Variants in PUM1 observed in about 807,000 individuals in gnomAD.
The protein encoded by PUM1 is pumilio RNA binding family member 1.
Under a neutral mutation model 131.8 loss-of-function variants are expected in PUM1, and 13 were observed. That is an observed-to-expected ratio of 0.10 (90% CI 0.06 to 0.16). PUM1 has a LOEUF of 0.16. Among genes scored for constraint, PUM1 ranks in the 10% least tolerant of loss-of-function variants. PUM1 has a pLI of 1.00. For synonymous variants in PUM1, 509 were observed against 556.5 expected, an observed-to-expected ratio of 0.91 and a Z score of 1.20; for missense variants, 961 against 1,512.4, an observed-to-expected ratio of 0.64 and a Z score of 6.05.
At chr1:30,982,401 G>A (rs1203893090) in intron 7 of PUM1, among the ~76,000 whole-genome samples, 1 of 152,154 alleles carries the variant, frequency 6.6e-6, no homozygotes, top group African/African-American at 2.4e-5. Context: ...TATAAAGAAA[G>A]GGGATGCCAG....
At chr1:31,027,656 G>T (rs915013644) in intron 3 of PUM1, among the ~76,000 whole-genome samples, 1 of 152,196 alleles carries the variant, frequency 6.6e-6, no homozygotes, top group Non-Finnish European at 1.5e-5. Context: ...ACAAAATCTT[G>T]TAACAAAGAA....
chr1:31,048,024 A>C (rs1416427009), intron 2 of PUM1, among the ~76,000 whole-genome samples: 2 of 151,964 alleles, frequency 1.3e-5, no homozygotes, highest in African/African-American at 4.8e-5. Flanking sequence ...GTGGATCATG[A>C]GGTCAGGAGA....
At chr1:30,974,888 T>C (rs572398011) in intron 9 of PUM1, 86 bp from the exon 10 acceptor site, 4 of 999,764 alleles carry the variant, frequency 4.0e-6, no homozygotes, top group Non-Finnish European at 5.8e-6. Flanking sequence ...ACTCAATAGA[T>C]CCTACTGTAA....
chr1:30,993,323 C>T (rs1382793279), intron 6 of PUM1, among the ~76,000 whole-genome samples: 1 of 146,444 alleles, frequency 6.8e-6, no homozygotes, highest in Non-Finnish European at 1.5e-5. Flanking sequence ...ATCATCCAAA[C>T]CAGGACATGC....
intron 18 of PUM1, among the ~76,000 whole-genome samples, chr1:30,942,551 C>T (rs1639498943): frequency 1.3e-5 from 2 of 152,018 alleles, no homozygotes; most frequent in South Asian, 4.2e-4. Flanking sequence ...AACCAGAATG[C>T]AATGTTCTGA....
chr1:30,965,237 A>G (rs1387864476), intron 13 of PUM1, among the ~76,000 whole-genome samples: 1 of 152,218 alleles, frequency 6.6e-6, no homozygotes, highest in African/African-American at 2.4e-5. Context: ...CCTTTCATCA[A>G]TTGAAAAGGT....
chr1:31,003,043 A>G (rs1642272446), intron 5 of PUM1, among the ~76,000 whole-genome samples: 1 of 152,246 alleles, frequency 6.6e-6, no homozygotes, highest in Non-Finnish European at 1.5e-5. Flanking sequence ...TGTGTTAAGA[A>G]TAACTTCTTA....
At chr1:30,961,796 A>T (rs1316052236) in intron 14 of PUM1, among the ~76,000 whole-genome samples, 4 of 152,124 alleles carry the variant, frequency 2.6e-5, no homozygotes, top group Non-Finnish European at 5.9e-5. Context: ...CGATATCATT[A>T]GCAATATTAA....
chr1:31,055,516 T>C (rs1188641795), intron 2 of PUM1: 1 of 388,384 alleles, frequency 2.6e-6, no homozygotes, highest in African/African-American at 2.1e-5. Flanking sequence ...ACAACTGCAA[T>C]ATACCAACTA....
At chr1:30,983,830 T>C (rs1641447244) in intron 7 of PUM1, among the ~76,000 whole-genome samples, 1 of 151,344 alleles carries the variant, frequency 6.6e-6, no homozygotes. Flanking sequence ...CTGGAACTCC[T>C]GGGCTCAAAT....
intron 10 of PUM1, among the ~76,000 whole-genome samples, chr1:30,972,289 G>C (rs534666046): frequency 4.6e-3 from 1 of 216 alleles, no homozygotes; most frequent in Non-Finnish European, 6.0e-3. Flanking sequence ...AAGGGAAGGG[G>C]AGGGGAGGGG....
At chr1:30,942,806 C>T (rs1017550499) in intron 18 of PUM1, among the ~76,000 whole-genome samples, 3 of 152,028 alleles carry the variant, frequency 2.0e-5, no homozygotes, top group Admixed American at 6.5e-5. Context: ...AAGGCTGGAG[C>T]GCAATGGTGA....
chr1:31,062,351 G>A (rs777132756), intron 1 of PUM1, among the ~76,000 whole-genome samples: 3 of 152,124 alleles, frequency 2.0e-5, no homozygotes, highest in Non-Finnish European at 2.9e-5. Flanking sequence ...GTCCGGACAC[G>A]GTGGCTTACG....
At chr1:31,019,935 A>C (rs1292530108) in intron 3 of PUM1, among the ~76,000 whole-genome samples, 1 of 152,114 alleles carries the variant, frequency 6.6e-6, no homozygotes, top group African/African-American at 2.4e-5. Context: ...TTCAGAGAGC[A>C]AATGTGCAGG....
At chr1:30,944,470 T>C (rs929615967) in intron 18 of PUM1, among the ~76,000 whole-genome samples, 1 of 152,156 alleles carries the variant, frequency 6.6e-6, no homozygotes, top group Non-Finnish European at 1.5e-5. Flanking sequence ...GAAAAAGGTA[T>C]TTACATATAA....
intron 3 of PUM1, among the ~76,000 whole-genome samples, chr1:31,021,534 C>T (rs1210477528): frequency 6.6e-6 from 1 of 152,140 alleles, no homozygotes; most frequent in African/African-American, 2.4e-5. Flanking sequence ...CCACCCTCAA[C>T]AAACTTTTGT....
At chr1:30,941,853 G>T in intron 19 of PUM1, 145 bp downstream of exon 19, 5 of 929,894 alleles carry the variant, frequency 5.4e-6, no homozygotes, top group Admixed American at 1.9e-5. Context: ...AAACCAAGCT[G>T]CTCTGAATAC....
chr1:31,021,288 C>T (rs921206233), intron 3 of PUM1, among the ~76,000 whole-genome samples: 2 of 152,200 alleles, frequency 1.3e-5, no homozygotes, highest in South Asian at 2.1e-4. Context: ...TCTTTATTCT[C>T]TCCCTGTACA....
chr1:31,017,094 T>C (rs1397114073), intron 3 of PUM1, among the ~76,000 whole-genome samples: 1 of 152,168 alleles, frequency 6.6e-6, no homozygotes, highest in East Asian at 1.9e-4. Flanking sequence ...ATTTCAGTAT[T>C]TGAAGTACTT....
Sources: gnomAD v4.1 joint callset for allele counts (sites outside exome capture counted in the v4.1 genomes callset) on GRCh38, gnomAD v4.1.1 for gene constraint, MANE v1.5 for transcripts, NCBI Gene and HGNC (gene_info 2026-07-23, HGNC 2026-07-21) for gene names.